Variants in SNX4 observed in about 807,000 individuals in gnomAD.
SNX4 encodes the protein sorting nexin 4.
Under a neutral mutation model 70.8 loss-of-function variants are expected in SNX4, and 49 were observed. That is an observed-to-expected ratio of 0.69 (90% CI 0.55 to 0.88). SNX4 has a LOEUF of 0.88. Among genes scored for constraint, SNX4 ranks in the 40% least tolerant of loss-of-function variants. SNX4 has a pLI of 0.00. For synonymous variants in SNX4, 206 were observed against 183.8 expected (o/e 1.12, Z -0.98); for missense variants, 528 against 544.8 (o/e 0.97, Z 0.31).
chr3:125,482,912 A>G (rs1289766763), intron 6 of SNX4, among the ~76,000 whole-genome samples: 1 of 152,156 alleles, frequency 6.6e-6, no homozygotes, highest in African/African-American at 2.4e-5. Flanking sequence ...TTTATATCCA[A>G]GATGGAAGGT....
intron 11 of SNX4, 65 bp downstream of exon 11, chr3:125,457,201 G>A (rs1014023230): frequency 1.8e-6 from 2 of 1,111,512 alleles, no homozygotes; most frequent in African/African-American, 1.5e-5. Flanking sequence ...CACTCAGAGT[G>A]AGTGCTTGTG....
chr3:125,485,420 C>A (rs1418528847), intron 6 of SNX4, among the ~76,000 whole-genome samples: 1 of 152,092 alleles, frequency 6.6e-6, no homozygotes, highest in African/African-American at 2.4e-5. Flanking sequence ...GCCTCAGCCC[C>A]CCAAGTAGCT....
chr3:125,508,808 A>G (rs1281129065), intron 1 of SNX4, among the ~76,000 whole-genome samples: 1 of 152,170 alleles, frequency 6.6e-6, no homozygotes, highest in East Asian at 1.9e-4. Context: ...GGAAAACTGA[A>G]TATCTACATA....
chr3:125,472,012 C>A (rs1419073493), intron 8 of SNX4, among the ~76,000 whole-genome samples: 1 of 152,170 alleles, frequency 6.6e-6, no homozygotes. Context: ...ACTACAAAAT[C>A]TTCCCTGTTT....
At chr3:125,504,351 A>G (rs1004543674) in intron 2 of SNX4, among the ~76,000 whole-genome samples, 4 of 150,224 alleles carry the variant, frequency 2.7e-5, no homozygotes, top group African/African-American at 4.9e-5. Flanking sequence ...AAAAAAAAAA[A>G]GCCAGCCATG....
At chr3:125,475,068 T>C (rs1934260315) in intron 8 of SNX4, among the ~76,000 whole-genome samples, 1 of 152,182 alleles carries the variant, frequency 6.6e-6, no homozygotes, top group Non-Finnish European at 1.5e-5. Flanking sequence ...CCATATATTT[T>C]CATAGACCCT....
intron 6 of SNX4, among the ~76,000 whole-genome samples, chr3:125,484,237 G>A (rs1934475542): frequency 6.6e-6 from 1 of 152,140 alleles, no homozygotes; most frequent in Non-Finnish European, 1.5e-5. Flanking sequence ...TGCCATTACA[G>A]GCTTTATGCT....
chr3:125,478,422 T>TC (rs1023159732), intron 7 of SNX4, among the ~76,000 whole-genome samples: 3 of 151,336 alleles, frequency 2.0e-5, no homozygotes, highest in African/African-American at 2.4e-5. Flanking sequence ...TCTTTTCTTT[T>TC]TTTTTTTTAA....
chr3:125,504,555 A>T, intron 2 of SNX4, 68 bp downstream of exon 2: 1 of 1,413,724 alleles, frequency 7.1e-7, no homozygotes, highest in South Asian at 1.3e-5. Flanking sequence ...TATACAGCAG[A>T]GTCTGCATCA....
chr3:125,460,330 A>G (rs1933844797), intron 10 of SNX4, among the ~76,000 whole-genome samples: 1 of 152,204 alleles, frequency 6.6e-6, no homozygotes, highest in Non-Finnish European at 1.5e-5. Flanking sequence ...ACTATCTAAA[A>G]GAGAATTCCC....
At chr3:125,505,167 A>C (rs540541202) in intron 1 of SNX4, among the ~76,000 whole-genome samples, 2 of 152,298 alleles carry the variant, frequency 1.3e-5, no homozygotes, top group African/African-American at 4.8e-5. Flanking sequence ...ACTGGGTTTC[A>C]CCATGTTGGC....
chr3:125,513,272 G>A (rs549740470), intron 1 of SNX4, among the ~76,000 whole-genome samples: 11 of 152,256 alleles, frequency 7.2e-5, no homozygotes, highest in South Asian at 6.2e-4. Flanking sequence ...CCAGGAAGCA[G>A]CCCTCACCAG....
intron 5 of SNX4, among the ~76,000 whole-genome samples, chr3:125,490,724 C>A (rs1039009845): frequency 1.3e-5 from 2 of 151,606 alleles, no homozygotes; most frequent in Non-Finnish European, 2.9e-5. Flanking sequence ...AATAATTTCA[C>A]TGCATAAAAT....
chr3:125,460,739 G>GT, intron 10 of SNX4, 32 bp downstream of exon 10: 1 of 1,107,928 alleles, frequency 9.0e-7, no homozygotes, highest in Non-Finnish European at 1.3e-6. Context: ...GAACAACCCT[G>GT]TGGCTGCACC....
Position 125,504,731 on chromosome 3 carries a change from T to G in SNX4, c.155A>C (p.Asn52Thr). The G allele has an allele frequency of 6.2e-7, 1 of 1,613,508 alleles. No individual in the cohort carries two copies. Among genetic ancestry groups the G allele is most frequent in the Non-Finnish European group, 8.5e-7 (1 of 1,179,804 alleles). The change falls in exon 2 of 14, where the codon AAT becomes ACT. Residue 52 changes from asparagine (N) to threonine (T), a missense_variant. Coordinates refer to ENST00000251775, the MANE Select transcript of SNX4 (RefSeq NM_003794.4). The stretch of plus-strand genomic sequence containing the variant: ...GATTTCTATCTTCTTCAACCAAAAA[T>G]TATTGTGTGTCATCTGGACAAAAGT... ...SSGVDTMTHN[N>T]FWLKKIEISV... is the part of the protein sequence containing the mutation.
intron 10 of SNX4, 45 bp downstream of exon 10, chr3:125,460,726 G>T: frequency 3.4e-6 from 3 of 895,298 alleles, no homozygotes; most frequent in Non-Finnish European, 5.2e-6. Context: ...TGAGGAGAGT[G>T]GTGAACAACC....
intron 9 of SNX4, among the ~76,000 whole-genome samples, chr3:125,462,881 C>T (rs1425934782): frequency 6.6e-6 from 1 of 152,110 alleles, no homozygotes; most frequent in African/African-American, 2.4e-5. Flanking sequence ...CAGGTGGAAA[C>T]CTTTTATTGA....
At chr3:125,506,541 C>T (rs971439769) in intron 1 of SNX4, among the ~76,000 whole-genome samples, 1 of 147,862 alleles carries the variant, frequency 6.8e-6, no homozygotes, top group Non-Finnish European at 1.5e-5. Flanking sequence ...CAGTCTTGCT[C>T]TATCGCCAGG....
intron 5 of SNX4, among the ~76,000 whole-genome samples, chr3:125,494,096 G>A (rs1934728516): frequency 6.6e-6 from 1 of 151,646 alleles, no homozygotes; most frequent in Non-Finnish European, 1.5e-5. Context: ...AAATATGTCT[G>A]AGAAAAGGAA....
Sources: allele counts gnomAD v4.1 joint callset (sites outside exome capture counted in the v4.1 genomes callset), GRCh38; gene constraint gnomAD v4.1.1; transcripts MANE v1.5; gene names NCBI Gene and HGNC (gene_info 2026-07-23, HGNC 2026-07-21).